The following ADGRB3 variants were observed in gnomAD, a reference collection of about 807,000 sequenced individuals.
The protein encoded by ADGRB3 is brain-specific angiogenesis inhibitor 3.
In ADGRB3, 37 loss-of-function variants were observed where a neutral mutation model predicts 193.4. The observed-to-expected ratio is 0.19, with a 90% CI of 0.15 to 0.25. The LOEUF (loss-of-function observed/expected upper bound fraction) is 0.25, where lower values mean the gene tolerates loss of function less well. Ranked by LOEUF, ADGRB3 falls within the 10% of genes least tolerant of loss-of-function variation. ADGRB3 has a pLI of 1.00. For synonymous variants in ADGRB3, 690 were observed against 644.2 expected, an observed-to-expected ratio of 1.07 and a Z score of -1.08; for missense variants, 1,637 against 1,852.9, an observed-to-expected ratio of 0.88 and a Z score of 2.14.
At chr6:68,961,020 T>C (rs1768217086) in intron 8 of ADGRB3, among the ~76,000 whole-genome samples, 1 of 152,108 alleles carries the variant, frequency 6.6e-6, no homozygotes, top group African/African-American at 2.4e-5. Context: ...CTCAACAAAA[T>C]TGCAAAATTT....
At chr6:68,947,043 T>G (rs1767792402) in intron 6 of ADGRB3, among the ~76,000 whole-genome samples, 1 of 152,072 alleles carries the variant, frequency 6.6e-6, no homozygotes, top group East Asian at 1.9e-4. Flanking sequence ...GGTATAGTAT[T>G]TCCTAGTGTG....
intron 11 of ADGRB3, among the ~76,000 whole-genome samples, chr6:69,004,051 C>G (rs1217194372): frequency 1.3e-5 from 2 of 152,104 alleles, no homozygotes; most frequent in Non-Finnish European, 2.9e-5. Flanking sequence ...TCTTCAGAGT[C>G]AAGAAAATAT....
chr6:69,265,821 G>A (rs1395795622), intron 20 of ADGRB3, among the ~76,000 whole-genome samples: 1 of 151,916 alleles, frequency 6.6e-6, no homozygotes, highest in Non-Finnish European at 1.5e-5. Context: ...ATGGACTGAG[G>A]TAAGCAAAAT....
intron 17 of ADGRB3, among the ~76,000 whole-genome samples, chr6:69,098,443 A>G (rs1435773011): frequency 6.6e-6 from 1 of 152,162 alleles, no homozygotes; most frequent in East Asian, 1.9e-4. Flanking sequence ...ATAAAGAACT[A>G]CCTGAGACTG....
At chr6:68,721,556 C>T (rs893002863) in intron 3 of ADGRB3, among the ~76,000 whole-genome samples, 4 of 150,392 alleles carry the variant, frequency 2.7e-5, no homozygotes, top group South Asian at 2.1e-4. Context: ...AGCACACCAA[C>T]GTGGCACATG....
intron 3 of ADGRB3, among the ~76,000 whole-genome samples, chr6:68,924,557 T>C (rs879636876): frequency 3.3e-5 from 5 of 152,014 alleles, no homozygotes; most frequent in Non-Finnish European, 5.9e-5. Flanking sequence ...TGTAACAACA[T>C]TGAAAACTCT....
chr6:69,279,012 T>C (rs1359677480), intron 20 of ADGRB3, among the ~76,000 whole-genome samples: 1 of 146,882 alleles, frequency 6.8e-6, no homozygotes, highest in Non-Finnish European at 1.5e-5. Context: ...ACAAGAATTC[T>C]GTTTCAAGAA....
At chr6:69,216,099 G>A (rs1007546674) in intron 17 of ADGRB3, among the ~76,000 whole-genome samples, 3 of 152,102 alleles carry the variant, frequency 2.0e-5, no homozygotes, top group South Asian at 2.1e-4. Flanking sequence ...TATTATAATG[G>A]TTTTGGTGGC....
chr6:68,870,925 G>T (rs1765438122), intron 3 of ADGRB3, among the ~76,000 whole-genome samples: 1 of 152,112 alleles, frequency 6.6e-6, no homozygotes, highest in Admixed American at 6.5e-5. Flanking sequence ...CAAAGGATAG[G>T]TCCTTCTGTG....
At chr6:68,846,990 T>G (rs1036522638) in intron 3 of ADGRB3, among the ~76,000 whole-genome samples, 1 of 152,176 alleles carries the variant, frequency 6.6e-6, no homozygotes, top group African/African-American at 2.4e-5. Context: ...AGGCTGGAGC[T>G]GCCCAAGACC....
At chr6:68,801,751 G>A (rs1166056094) in intron 3 of ADGRB3, among the ~76,000 whole-genome samples, 1 of 152,026 alleles carries the variant, frequency 6.6e-6, no homozygotes, top group East Asian at 1.9e-4. Flanking sequence ...GATACCAAGA[G>A]CTCAGTGCTC....
chr6:69,139,259 C>A (rs1223218071), intron 17 of ADGRB3, among the ~76,000 whole-genome samples: 2 of 152,194 alleles, frequency 1.3e-5, no homozygotes, highest in Admixed American at 6.5e-5. Context: ...TCTAGCCTGG[C>A]AGCAGTCCCA....
At chr6:69,381,402 T>C (rs1019637584) in intron 30 of ADGRB3, among the ~76,000 whole-genome samples, 1 of 151,898 alleles carries the variant, frequency 6.6e-6, no homozygotes, top group Non-Finnish European at 1.5e-5. Flanking sequence ...AGCCAACTCC[T>C]AGAGCCAAAA....
intron 3 of ADGRB3, among the ~76,000 whole-genome samples, chr6:68,771,959 C>T (rs1170269059): frequency 6.6e-6 from 1 of 152,062 alleles, no homozygotes; most frequent in Admixed American, 6.6e-5. Flanking sequence ...AGTGGGAAGG[C>T]ATTAACACCT....
chr6:68,689,167 C>T (rs1765029569), intron 3 of ADGRB3, among the ~76,000 whole-genome samples: 1 of 152,078 alleles, frequency 6.6e-6, no homozygotes, highest in Admixed American at 6.5e-5. Context: ...CTACCCAATG[C>T]CTGAAGAAGC....
chr6:69,141,129 G>GC (rs1172325307), intron 17 of ADGRB3, among the ~76,000 whole-genome samples: 3 of 86,760 alleles, frequency 3.5e-5, no homozygotes, highest in African/African-American at 6.6e-5. Context: ...CTTTTTTTTT[G>GC]GGGGGGGCGG....
intron 3 of ADGRB3, among the ~76,000 whole-genome samples, chr6:68,769,305 A>G (rs940214851): frequency 6.6e-6 from 1 of 152,214 alleles, no homozygotes; most frequent in African/African-American, 2.4e-5. Flanking sequence ...CCCATCAATG[A>G]TAGACTGGAT....
intron 17 of ADGRB3, among the ~76,000 whole-genome samples, chr6:69,119,148 C>G (rs910257434): frequency 6.6e-6 from 1 of 152,142 alleles, no homozygotes; most frequent in Non-Finnish European, 1.5e-5. Flanking sequence ...AAGTCAGAAA[C>G]TATTGACAAT....
intron 20 of ADGRB3, among the ~76,000 whole-genome samples, chr6:69,296,214 A>G (rs1767813337): frequency 6.6e-6 from 1 of 152,172 alleles, no homozygotes; most frequent in Non-Finnish European, 1.5e-5. Flanking sequence ...TATTGTTAAT[A>G]GCTGCAATAA....
Sources: gnomAD v4.1 joint callset for allele counts (sites outside exome capture counted in the v4.1 genomes callset) on GRCh38, gnomAD v4.1.1 for gene constraint, MANE v1.5 for transcripts, NCBI Gene and HGNC (gene_info 2026-07-23, HGNC 2026-07-21) for gene names.